Variants in DLGAP2 observed in about 807,000 individuals in gnomAD.
The protein encoded by DLGAP2 is disks large-associated protein 2.
In DLGAP2, 26 loss-of-function variants were observed where a neutral mutation model predicts 100.3. The observed-to-expected ratio is 0.26, with a 90% confidence interval of 0.19 to 0.36. The LOEUF (loss-of-function observed/expected upper bound fraction) is 0.36. Ranked by LOEUF, DLGAP2 falls within the 10% of genes least tolerant of loss-of-function variation. The probability of loss-of-function intolerance (pLI) is 1.00; values close to 1 mark genes in which losing one functional copy is unlikely to be tolerated. For synonymous variants in DLGAP2, 886 were observed against 630.1 expected (o/e 1.41, Z -6.08); for missense variants, 1,858 against 1,453.2 (o/e 1.28, Z -4.53).
rs528817107 is a variant in DLGAP2 at position 1,070,826 on chromosome 8, A to C, written c.73+162860A>C. Among the ~76,000 whole-genome samples, 18 of 152,220 alleles carry C rather than the reference A, an allele frequency of 1.2e-4. 1 individual carries two copies. The highest frequency in any genetic ancestry group is 3.4e-3 in the Middle Eastern group (1 of 294). On this transcript the variant is annotated intron_variant, in intron 2 of 14. Transcript: ENST00000637795. ...GTAGAGAGGCCGTCTGCGTATTCTG[A>C]GCTGGGCTGTGGTTGTTCCCACTCG...
intron 1 of DLGAP2, chr8:739,915 G>A (rs1211156942): frequency 6.6e-6 from 1 of 152,236 alleles, no homozygotes; most frequent in Non-Finnish European, 1.5e-5. Flanking sequence ...AGCCGGCCCT[G>A]TCCTCGGTTC....
At chr8:1,676,451 C>A in intron 10 of DLGAP2, 82 bp from the exon 11 acceptor site, 1 of 1,427,720 alleles carries the variant, frequency 7.0e-7, no homozygotes, top group Non-Finnish European at 9.7e-7. Flanking sequence ...TTAATTACAG[C>A]AAATCCACAA....
At chr8:1,320,829 G>T (rs1366097770) in intron 3 of DLGAP2, among the ~76,000 whole-genome samples, 1 of 152,224 alleles carries the variant, frequency 6.6e-6, no homozygotes, top group Non-Finnish European at 1.5e-5. Context: ...ACCTGTGTGT[G>T]TCTGTGTGTG....
rs144467373 is a variant in DLGAP2 at position 1,452,001 on chromosome 8, G to A, written c.107-49365G>A. Among the ~76,000 whole-genome samples, 1,182 of 152,356 alleles carry A rather than the reference G, an allele frequency of 7.8e-3. 2 individuals carry two copies. Among genetic ancestry groups the A allele is most frequent in the Non-Finnish European group, 0.013 (883 of 68,036 alleles). ...ACAACAAAATCTAGTTAAGAGAACC[G>A]GAACTGCGGTTTCTGCCGATGTCCC... On this transcript the variant is annotated intron_variant, in intron 3 of 14. Coordinates refer to ENST00000637795, the MANE Select transcript of DLGAP2 (RefSeq NM_001346810.2).
At chr8:944,551 G>T (rs371291466) in intron 2 of DLGAP2, among the ~76,000 whole-genome samples, 2 of 151,558 alleles carry the variant, frequency 1.3e-5, no homozygotes, top group South Asian at 2.1e-4. Context: ...GTCGATCCCT[G>T]TGGCTGACCC....
chr8:1,422,196 G>A (rs1006333495), intron 3 of DLGAP2, among the ~76,000 whole-genome samples: 6 of 152,166 alleles, frequency 3.9e-5, no homozygotes, highest in African/African-American at 1.4e-4. Context: ...TGGCCGCTAG[G>A]AGAGAAAGAC....
At chr8:928,842 G>T (rs1798877445) in intron 2 of DLGAP2, among the ~76,000 whole-genome samples, 1 of 152,000 alleles carries the variant, frequency 6.6e-6, no homozygotes, top group South Asian at 2.1e-4. Context: ...GAGGAAACAG[G>T]AGCACTGAGG....
At chr8:1,508,627 G>A (rs905085207) in intron 4 of DLGAP2, among the ~76,000 whole-genome samples, 13 of 143,800 alleles carry the variant, frequency 9.0e-5, no homozygotes, top group African/African-American at 3.3e-4. Flanking sequence ...GTGCCAGTAA[G>A]AATGACCTGG....
intron 3 of DLGAP2, among the ~76,000 whole-genome samples, chr8:1,501,120 T>C (rs1799708646): frequency 6.6e-6 from 1 of 152,134 alleles, no homozygotes; most frequent in African/African-American, 2.4e-5. Context: ...ACTCACTGCC[T>C]ATGTCCGTGT....
chr8:903,937 G>A (rs1316419694), intron 1 of DLGAP2, among the ~76,000 whole-genome samples: 1 of 152,218 alleles, frequency 6.6e-6, no homozygotes, highest in African/African-American at 2.4e-5. Context: ...CCTGGAGGGC[G>A]GAGCTGCACG....
chr8:1,196,874 C>T (rs553768779), intron 2 of DLGAP2, among the ~76,000 whole-genome samples: 1 of 152,102 alleles, frequency 6.6e-6, no homozygotes, highest in Non-Finnish European at 1.5e-5. Flanking sequence ...TATATACAGA[C>T]AGGCAAGAGG....
At chr8:754,698 C>A (rs1363392168) in intron 1 of DLGAP2, among the ~76,000 whole-genome samples, 1 of 152,072 alleles carries the variant, frequency 6.6e-6, no homozygotes, top group Non-Finnish European at 1.5e-5. Context: ...AAATAATTAG[C>A]CAGGCATGGT....
chr8:1,167,549 C>T (rs1479745793), intron 2 of DLGAP2, among the ~76,000 whole-genome samples: 1 of 152,192 alleles, frequency 6.6e-6, no homozygotes, highest in Non-Finnish European at 1.5e-5. Flanking sequence ...GAACTGCACC[C>T]TAGTTTCCTT....
intron 3 of DLGAP2, among the ~76,000 whole-genome samples, chr8:1,415,307 A>G (rs1474774908): frequency 2.6e-5 from 4 of 151,936 alleles, no homozygotes; most frequent in Admixed American, 2.6e-4. Context: ...TTTAAAGGCT[A>G]ATTTTTTTTT....
chr8:889,712 G>A (rs1209361526), intron 1 of DLGAP2, among the ~76,000 whole-genome samples: 2 of 152,192 alleles, frequency 1.3e-5, no homozygotes, highest in African/African-American at 4.8e-5. Flanking sequence ...GCCATTGTGA[G>A]CCCCAGTGCT....
At chr8:1,059,732 G>A (rs990319738) in intron 2 of DLGAP2, among the ~76,000 whole-genome samples, 3 of 152,156 alleles carry the variant, frequency 2.0e-5, no homozygotes, top group East Asian at 1.9e-4. Flanking sequence ...GCTGAGGGGC[G>A]TGAGGCAGGT....
intron 2 of DLGAP2, among the ~76,000 whole-genome samples, chr8:1,025,048 A>C (rs1320403896): frequency 6.6e-6 from 1 of 151,544 alleles, no homozygotes; most frequent in African/African-American, 2.4e-5. Context: ...GTGTGTGTGC[A>C]TATGCGTGCA....
chr8:1,169,959 C>T (rs998782908), intron 2 of DLGAP2, among the ~76,000 whole-genome samples: 11 of 151,824 alleles, frequency 7.2e-5, no homozygotes, highest in South Asian at 4.2e-4. Context: ...CTGTCTTGTG[C>T]CAGTTTTCAA....
chr8:1,515,923 A>G (rs891013277), intron 4 of DLGAP2, among the ~76,000 whole-genome samples: 5 of 152,196 alleles, frequency 3.3e-5, no homozygotes, highest in African/African-American at 9.7e-5. Context: ...CCCTTAATGG[A>G]TGAGTGAGTG....
Sources: allele counts gnomAD v4.1 joint callset (sites outside exome capture counted in the v4.1 genomes callset), GRCh38; gene constraint gnomAD v4.1.1; transcripts MANE v1.5; gene names NCBI Gene and HGNC (gene_info 2026-07-23, HGNC 2026-07-21).